The following PCDHA3 variants were observed in gnomAD, a reference collection of about 807,000 sequenced individuals.
The protein encoded by PCDHA3 is protocadherin alpha 3, also known as protocadherin alpha-3.
In PCDHA3, 41 loss-of-function variants were observed where a neutral mutation model predicts 62.2. That is an observed-to-expected ratio of 0.66 (90% CI 0.51 to 0.86). PCDHA3 has a LOEUF of 0.86. PCDHA3 is among the 40% of genes least tolerant of loss of function. PCDHA3 has a pLI of 0.00. For synonymous variants in PCDHA3, 640 were observed against 555.4 expected, an observed-to-expected ratio of 1.15 and a Z score of -2.14; for missense variants, 1,304 against 1,241.2, an observed-to-expected ratio of 1.05 and a Z score of -0.76.
intron 1 of PCDHA3, chr5:140,807,458 G>C (rs1763938347): frequency 1.2e-6 from 2 of 1,608,118 alleles, no homozygotes; most frequent in Admixed American, 1.7e-5. Context: ...TTCTCGGATC[G>C]ACCGGGAGGA....
intron 1 of PCDHA3, among the ~76,000 whole-genome samples, chr5:140,935,679 T>C (rs2090497566): frequency 6.6e-6 from 1 of 152,190 alleles, no homozygotes; most frequent in South Asian, 2.1e-4. Context: ...GTGAAATATT[T>C]ACATGGCTCC....
chr5:140,877,949 A>G (rs1554170233), intron 1 of PCDHA3: 1 of 1,348,792 alleles, frequency 7.4e-7, no homozygotes, highest in East Asian at 2.6e-5. Flanking sequence ...AAACTATCGA[A>G]TGTCTCATCT....
At chr5:140,871,062 C>T (rs1434880600) in intron 1 of PCDHA3, 2 of 1,613,102 alleles carry the variant, frequency 1.2e-6, no homozygotes, top group African/African-American at 2.7e-5. Context: ...TGAAGGATCA[C>T]GGTGAGCCGG....
chr5:141,012,183 A>G lies in PCDHA3; in HGVS notation c.*2246A>G, dbSNP rs1554263839. The stretch of plus-strand genomic sequence containing the variant: ...TAATTTATTAATGATGATAATTATA[A>G]TGTATCTGTACAGCACTTTTTACAT... On this transcript the variant is annotated 3_prime_UTR_variant, in exon 4 of 4. Coordinates refer to ENST00000522353, the MANE Select transcript of PCDHA3 (RefSeq NM_018906.3). The G allele has an allele frequency of 6.5e-6, 1 of 153,782 alleles. No homozygotes were observed. Among genetic ancestry groups the G allele is most frequent in the Admixed American group, 6.5e-5 (1 of 15,280 alleles). 9.5% of individuals were successfully genotyped at this position (153,782 alleles called of 1,614,324 possible). A position where few individuals can be genotyped will look rare whatever the true frequency, so the allele number is the denominator to read the frequency against.
intron 3 of PCDHA3, among the ~76,000 whole-genome samples, chr5:141,007,680 C>G (rs1179621299): frequency 1.3e-5 from 2 of 152,148 alleles, no homozygotes; most frequent in African/African-American, 4.8e-5. Flanking sequence ...CAAAAGTTAT[C>G]CTACTTCCAC....
chr5:140,896,902 G>C (rs1427098120), intron 1 of PCDHA3, among the ~76,000 whole-genome samples: 1 of 152,044 alleles, frequency 6.6e-6, no homozygotes, highest in Non-Finnish European at 1.5e-5. Context: ...TTTGATACAA[G>C]CATGCAATGC....
chr5:140,816,976 A>G (rs1231523214), intron 1 of PCDHA3: 3 of 152,104 alleles, frequency 2.0e-5, no homozygotes, highest in Non-Finnish European at 4.4e-5. Context: ...CTGCCCACTA[A>G]AATTCAGGAA....
At chr5:140,941,754 T>A (rs2093159057) in intron 1 of PCDHA3, among the ~76,000 whole-genome samples, 1 of 152,256 alleles carries the variant, frequency 6.6e-6, no homozygotes, top group African/African-American at 2.4e-5. Context: ...AGATTTTCAG[T>A]GCTTTTAAGA....
chr5:140,871,171 G>GCTGC (rs782249857), intron 1 of PCDHA3: 2 of 1,613,534 alleles, frequency 1.2e-6, no homozygotes, highest in Non-Finnish European at 1.7e-6. Flanking sequence ...GAGCCCAGAG[G>GCTGC]CTGCGCTGGT....
chr5:140,832,477 ACT>A (rs1371663743), intron 1 of PCDHA3, among the ~76,000 whole-genome samples: 3 of 152,182 alleles, frequency 2.0e-5, no homozygotes, highest in African/African-American at 4.8e-5. Context: ...AAAAAAACTA[ACT>A]CTACATACTT....
At chr5:140,827,880 A>G in intron 1 of PCDHA3, 1 of 665,040 alleles carries the variant, frequency 1.5e-6, no homozygotes, top group Non-Finnish European at 2.6e-6. Context: ...TGTTACGTGA[A>G]TTGATTTCTT....
At chr5:140,832,937 G>C (rs1470692327) in intron 1 of PCDHA3, among the ~76,000 whole-genome samples, 3 of 152,104 alleles carry the variant, frequency 2.0e-5, no homozygotes, top group Admixed American at 1.3e-4. Flanking sequence ...TGAGAAGAGA[G>C]TAACTTAAGT....
chr5:140,925,822 T>C (rs1554202964), intron 1 of PCDHA3, among the ~76,000 whole-genome samples: 1 of 152,156 alleles, frequency 6.6e-6, no homozygotes, highest in African/African-American at 2.4e-5. Flanking sequence ...ACGTCTTCTT[T>C]GGGGACGGGT....
At chr5:140,984,139 C>T (rs2097088415) in intron 3 of PCDHA3, among the ~76,000 whole-genome samples, 1 of 152,178 alleles carries the variant, frequency 6.6e-6, no homozygotes. Flanking sequence ...GATGTGGAGG[C>T]ATCTGGGAAG....
chr5:140,823,159 T>C, intron 1 of PCDHA3: 2 of 1,613,740 alleles, frequency 1.2e-6, no homozygotes, highest in Non-Finnish European at 1.7e-6. Flanking sequence ...GTATACCGTG[T>C]TCGTGAAGGA....
In PCDHA3 at chr5:140,904,046, T is replaced by C. The variant is rs2153483198; in HGVS notation, c.2395-74903T>C. 2.0e-5 allele frequency among the ~76,000 whole-genome samples: 3 copies of C among 152,346 alleles called. No homozygotes were observed. The East Asian group carries it at 5.8e-4, about 29-fold the overall frequency. ...GTATAATTTAACTTTTTAATTTTTT[T>C]ATTTCAATGGGTTTTTGGGGAACAG... On this transcript the variant is annotated intron_variant, in intron 1 of 3. Coordinates refer to ENST00000522353, the MANE Select transcript of PCDHA3 (RefSeq NM_018906.3).
At chr5:140,903,351 A>G (rs2070226814) in intron 1 of PCDHA3, among the ~76,000 whole-genome samples, 1 of 152,236 alleles carries the variant, frequency 6.6e-6, no homozygotes, top group Non-Finnish European at 1.5e-5. Context: ...TTTAAAAAAC[A>G]AGTTTTTCAA....
rs2150387302 is a variant in PCDHA3 at position 140,846,348 on chromosome 5, C to T, written c.2394+42757C>T. ...TAAATAGCCTTTTAAAGTGCTTTCT[C>T]TTTTTTCTTTTCTTTTCTTTCTTTC... is the stretch of plus-strand genomic sequence containing the variant. On this transcript the variant is annotated intron_variant, in intron 1 of 3. Transcript: ENST00000522353. 5.0e-5 allele frequency among the ~76,000 whole-genome samples: 7 copies of T among 138,736 alleles called. 1 individual carries two copies. Among genetic ancestry groups the T allele is most frequent in the East Asian group, 2.0e-4 (1 of 4,968 alleles). The allele number at this position is 138,736 out of a possible 152,430, so 91.0% of individuals were successfully genotyped here.
intron 1 of PCDHA3, among the ~76,000 whole-genome samples, chr5:140,904,941 G>A (rs782716792): frequency 7.2e-5 from 11 of 152,102 alleles, no homozygotes; most frequent in Admixed American, 3.9e-4. Context: ...CTGGATATTA[G>A]TCCTTTGTCT....
Sources: allele counts gnomAD v4.1 joint callset (sites outside exome capture counted in the v4.1 genomes callset), GRCh38; gene constraint gnomAD v4.1.1; transcripts MANE v1.5; gene names NCBI Gene and HGNC (gene_info 2026-07-23, HGNC 2026-07-21).